KLC1: variants seen among roughly 807,000 people sequenced by gnomAD.
KLC1 encodes the protein kinesin light chain 1.
In KLC1, 30 loss-of-function variants were observed where a neutral mutation model predicts 84.2. That is an observed-to-expected ratio of 0.36 (90% CI 0.27 to 0.48). The LOEUF (loss-of-function observed/expected upper bound fraction) is 0.48. KLC1 is among the 20% of genes least tolerant of loss of function. KLC1 has a pLI of 0.99. For synonymous variants in KLC1, 289 were observed against 293.3 expected, an observed-to-expected ratio of 0.99 and a Z score of 0.15; for missense variants, 499 against 805.4, an observed-to-expected ratio of 0.62 and a Z score of 4.60.
rs554536739 is a variant in KLC1, at chr14:103,696,044, G to A, written c.1848+3619G>A. The A allele has an allele frequency of 2.4e-5, 24 of 984,984 alleles. No individual in the cohort carries two copies. In the African/African-American group the frequency reaches 3.2e-4, roughly 13 times the overall value. The allele number at this position is 984,984 out of a possible 1,614,324, so 61.0% of individuals were successfully genotyped here. ...CGTTCTGGTGAGAGGAACCCCACGCGAGAGTCAGCACCTGTTTCTTCAGAG... is the reference window on the plus strand; with the variant it reads ...CGTTCTGGTGAGAGGAACCCCACGCAAGAGTCAGCACCTGTTTCTTCAGAG... On this transcript the variant is annotated intron_variant, in intron 15 of 16. Transcript: ENST00000334553.
At chr14:103,701,102 T>G in intron 16 of KLC1, 99 bp from the exon 17 acceptor site, 1 of 1,437,794 alleles carries the variant, frequency 7.0e-7, no homozygotes, top group African/African-American at 1.4e-5. Context: ...CTAGGCAGAC[T>G]TGGGGTGGGG....
intron 15 of KLC1, among the ~76,000 whole-genome samples, chr14:103,697,374 C>T (rs575860813): frequency 2.0e-5 from 3 of 151,874 alleles, no homozygotes; most frequent in Admixed American, 6.5e-5. Flanking sequence ...TGCCAGCCCC[C>T]CTTCCTCCCA....
intron 13 of KLC1, chr14:103,686,026 G>A: frequency 1.1e-5 from 12 of 1,057,186 alleles, no homozygotes; most frequent in Non-Finnish European, 1.4e-5. Flanking sequence ...AGCAAGGCAT[G>A]TGCCGCACGT....
At chr14:103,670,035 G>A (rs2080243109) in intron 6 of KLC1, 147 bp from the exon 7 acceptor site, 3 of 573,634 alleles carry the variant, frequency 5.2e-6, no homozygotes, top group South Asian at 2.6e-5. Flanking sequence ...AGTGAATTGC[G>A]CTTTTCATTT....
intron 7 of KLC1, among the ~76,000 whole-genome samples, chr14:103,672,752 T>C (rs557600026): frequency 6.6e-6 from 1 of 152,326 alleles, no homozygotes; most frequent in South Asian, 2.1e-4. Context: ...TACAAAAATA[T>C]AACTACCATG....
chr14:103,684,277 A>G (rs920442279), intron 13 of KLC1, among the ~76,000 whole-genome samples: 2 of 152,266 alleles, frequency 1.3e-5, no homozygotes, highest in Admixed American at 1.3e-4. Flanking sequence ...CGATGACTGC[A>G]TATTTTTAAA....
At position 103,670,307 on chromosome 14, in the gene KLC1, T is replaced by C. The variant is rs76786982; in HGVS notation, c.987+24T>C. 8.0e-4 allele frequency: 1,228 copies of C among 1,543,210 alleles called. 13 individuals are homozygous for C. The East Asian group carries it at 0.018, about 22-fold the overall frequency. ...AGGTACAAAAGAAGGGGGCAGTCGT[T>C]TTCTTTGAGATTTTTGTTTTGTGTG... On this transcript the variant is annotated intron_variant, in intron 7 of 16. Coordinates refer to ENST00000334553, the MANE Select transcript of KLC1 (RefSeq NM_001394837.1).
chr14:103,700,567 C>T, intron 15 of KLC1, 88 bp from the exon 16 acceptor site: 1 of 1,071,164 alleles, frequency 9.3e-7, no homozygotes, highest in Non-Finnish European at 1.4e-6. Context: ...GGTCTGCAGC[C>T]ACACGCTGGT....
chr14:103,642,850 C>T (rs2077598335), intron 1 of KLC1, among the ~76,000 whole-genome samples: 1 of 151,554 alleles, frequency 6.6e-6, no homozygotes, highest in East Asian at 1.9e-4. Context: ...TCACTGCAAC[C>T]TCCACCTCCC....
intron 5 of KLC1, among the ~76,000 whole-genome samples, chr14:103,667,370 G>T (rs1412706969): frequency 6.6e-6 from 1 of 152,100 alleles, no homozygotes; most frequent in East Asian, 1.9e-4. Flanking sequence ...GCCTCCCAGA[G>T]TGCTGGGATT....
At chr14:103,663,539 T>G (rs983184027) in intron 5 of KLC1, among the ~76,000 whole-genome samples, 2 of 152,186 alleles carry the variant, frequency 1.3e-5, no homozygotes, top group East Asian at 1.9e-4. Flanking sequence ...GCAGGCGGCT[T>G]CTTTTGTCTA....
rs199602906 is a variant in KLC1, at chr14:103,679,459, C to T, written c.1564C>T (p.Arg522Cys). Residue 522 changes from arginine (R) to cysteine (C), a missense_variant, in exon 13 of 17, where the codon CGT (arginine) becomes TGT (cysteine). Arg to Cys is a radical substitution (Grantham distance 180, BLOSUM62 -3). Transcript: ENST00000334553. ...DPENMEKRRS[R>C]ESLNVDVVKY... ...TGAGAACATGGAGAAGCGCAGGAGCCGTGAGAGCCTCAACGTGGACGTGGT... is the reference window on the plus strand; with the variant it reads ...TGAGAACATGGAGAAGCGCAGGAGCTGTGAGAGCCTCAACGTGGACGTGGT... 232 of 1,614,020 alleles carry T rather than the reference C, an allele frequency of 1.4e-4. No individual in the cohort carries two copies. Among genetic ancestry groups the T allele is most frequent in the Non-Finnish European group, 1.9e-4 (221 of 1,180,036 alleles).
chr14:103,684,293 AAC>A (rs1179917090), intron 13 of KLC1, among the ~76,000 whole-genome samples: 1 of 152,252 alleles, frequency 6.6e-6, no homozygotes, highest in East Asian at 1.9e-4. Flanking sequence ...TTAAACTGTG[AAC>A]ACATTATCCT....
intron 5 of KLC1, 85 bp downstream of exon 5, chr14:103,663,012 T>G (rs1051814019): frequency 8.6e-5 from 77 of 896,168 alleles, no homozygotes; most frequent in Non-Finnish European, 1.3e-4. Context: ...TTTTTATGTA[T>G]CTGTATAAAC....
At chr14:103,672,762 G>A (rs941616145) in intron 7 of KLC1, among the ~76,000 whole-genome samples, 1 of 152,204 alleles carries the variant, frequency 6.6e-6, no homozygotes, top group Non-Finnish European at 1.5e-5. Flanking sequence ...TAACTACCAT[G>A]AAGGATTACT....
intron 5 of KLC1, among the ~76,000 whole-genome samples, chr14:103,666,777 CTTT>C (rs67276843): frequency 9.9e-5 from 11 of 111,630 alleles, no homozygotes; most frequent in South Asian, 2.9e-4. Flanking sequence ...TTTTTTCTTT[CTTT>C]TTTTTTTTTT....
intron 15 of KLC1, chr14:103,700,307 G>T: frequency 7.6e-6 from 2 of 263,424 alleles, no homozygotes; most frequent in South Asian, 6.3e-5. Context: ...AGCTTCCAGG[G>T]GAGGACCCCC....
intron 13 of KLC1, among the ~76,000 whole-genome samples, chr14:103,682,004 T>G (rs1485600545): frequency 6.6e-6 from 1 of 152,178 alleles, no homozygotes; most frequent in Non-Finnish European, 1.5e-5. Flanking sequence ...GCCACTTACT[T>G]GTGTGCATCA....
At chr14:103,675,780 T>C in intron 11 of KLC1, 24 bp downstream of exon 11, 3 of 1,604,992 alleles carry the variant, frequency 1.9e-6, no homozygotes, top group Non-Finnish European at 2.6e-6. Flanking sequence ...TGCGTTTGGC[T>C]GGAAAAACCA....
Sources: gnomAD v4.1 joint callset for allele counts (sites outside exome capture counted in the v4.1 genomes callset) on GRCh38, gnomAD v4.1.1 for gene constraint, MANE v1.5 for transcripts, NCBI Gene and HGNC (gene_info 2026-07-23, HGNC 2026-07-21) for gene names.